The following PLCD1 variants were observed in gnomAD, a reference collection of about 807,000 sequenced individuals.
PLCD1 encodes the protein phospholipase C delta 1, also known as 1-phosphatidylinositol 4,5-bisphosphate phosphodiesterase delta-1.
In PLCD1, 71 loss-of-function variants were observed where a neutral mutation model predicts 87.4. That is an observed-to-expected ratio of 0.81 (90% CI 0.67 to 0.99). PLCD1 has a LOEUF of 0.99. PLCD1 is among the 50% of genes least tolerant of loss of function. The pLI, the probability that PLCD1 is intolerant of heterozygous loss-of-function variation, is 0.00. For synonymous variants in PLCD1, 348 were observed against 399.2 expected (o/e 0.87, Z 1.53); for missense variants, 867 against 1,001.5 (o/e 0.87, Z 1.81).
intron 14 of PLCD1, 66 bp from the exon 15 acceptor site, chr3:38,007,924 T>C: frequency 1.7e-5 from 27 of 1,601,026 alleles, no homozygotes; most frequent in Non-Finnish European, 2.3e-5. Context: ...GGAGGGGGGG[T>C]GGATGCGTCA....
Position 38,011,682 on chromosome 3 carries a change from G to A in PLCD1, c.429-9C>T, listed in dbSNP as rs1200632401. 9 of 1,614,164 alleles carry A rather than the reference G, an allele frequency of 5.6e-6. No homozygotes were observed. Among genetic ancestry groups the A allele is most frequent in the Non-Finnish European group, 7.6e-6 (9 of 1,179,988 alleles). On this transcript the variant is annotated splice_polypyrimidine_tract_variant and intron_variant, in intron 3 of 14. Coordinates refer to ENST00000334661, the MANE Select transcript of PLCD1 (RefSeq NM_006225.4). ...AGCAGGAGTGAATCCAGCTGGGCAA[G>A]AAGTAAGGAAAGAACCCAGGAACCC...
intron 1 of PLCD1, among the ~76,000 whole-genome samples, chr3:38,026,755 G>GT (rs1009934250): frequency 1.3e-5 from 2 of 152,204 alleles, no homozygotes; most frequent in Non-Finnish European, 2.9e-5. Context: ...TGGAGGACTG[G>GT]TTTTTGGGGC....
intron 1 of PLCD1, among the ~76,000 whole-genome samples, chr3:38,028,209 G>A (rs868239449): frequency 1.1e-4 from 17 of 152,330 alleles, no homozygotes; most frequent in Admixed American, 8.5e-4. Context: ...CTCCCTTCTT[G>A]CTAGTCTGGC....
Position 38,009,035 on chromosome 3 carries a change from C to T in PLCD1, c.1723+7G>A. On this transcript the variant is annotated splice_region_variant and intron_variant, in intron 11 of 14. Transcript: ENST00000334661. Reference sequence around the variant, plus strand: ...CCAGGCCTCCTCCAGCCCCAGCCAGCCCATACCGATCTGGCAGCCCCCATT... The same window carrying T: ...CCAGGCCTCCTCCAGCCCCAGCCAGTCCATACCGATCTGGCAGCCCCCATT... 1.9e-6 allele frequency: 3 copies of T among 1,602,028 alleles called. No homozygotes were observed. The highest frequency in any genetic ancestry group is 2.6e-6 in the Non-Finnish European group (3 of 1,170,304).
Position 38,020,243 on chromosome 3 carries a change from G to A in PLCD1, c.144C>T (p.Cys48=), listed in dbSNP as rs781083201. 6.8e-6 allele frequency: 11 copies of A among 1,613,928 alleles called. No individual in the cohort carries two copies. The South Asian group carries it at 7.7e-5, about 11-fold the overall frequency. ...RERFYKLQED[C]KTIWQESRKV... is the part of the protein sequence containing the mutation. The stretch of plus-strand genomic sequence containing the variant: ...TGCGGGACTCCTGCCAGATGGTCTT[G>A]CAGTCCTCCTGCAACTTGTAGAAGC... Residue 48 remains cysteine (C), a synonymous_variant, in exon 2 of 15, where the codon TGC becomes TGT. Coordinates refer to ENST00000334661, the MANE Select transcript of PLCD1 (RefSeq NM_006225.4).
rs372005528 is a variant in PLCD1, at chr3:38,011,279, C to T, written c.725G>A (p.Arg242Gln). The T allele has an allele frequency of 5.0e-6, 8 of 1,611,784 alleles. No homozygotes were observed. Among genetic ancestry groups the T allele is most frequent in the Non-Finnish European group, 4.2e-6 (5 of 1,180,028 alleles). The change falls in exon 5 of 15, where the codon CGG becomes CAG. Residue 242 changes from arginine (R) to glutamine (Q), a missense_variant. Physicochemically the swap from Arg to Gln is conservative, Grantham distance 43. Transcript: ENST00000334661. ...QLVTFLQHQQ[R>Q]EEAAGPALAL... ...CAGCGCAGGCCCTGCCGCCTCCTCC[C>T]GCTGCTGGTGCTGCAGGAACGTCAC...
Position 38,008,128 on chromosome 3 carries a change from C to T in PLCD1, c.2071G>A (p.Glu691Lys), listed in dbSNP as rs1302093361. 1 of 1,614,104 alleles carries T rather than the reference C, an allele frequency of 6.2e-7. No individual in the cohort carries two copies. The highest frequency in any genetic ancestry group is 1.1e-5 in the South Asian group (1 of 91,086). ...AGGGCAAGGTCAGGCACAACTACCT[C>T]AAACGCAAACTCCGTGTCCCACCAT... Reference protein sequence around the residue: ...NPWWDTEFAFEVVVPDLALIR... With the variant: ...NPWWDTEFAFKVVVPDLALIR... Residue 691 changes from glutamate to lysine, a missense_variant, in exon 14 of 15, where the codon GAG becomes AAG. Physicochemically the swap from Glu to Lys is moderately conservative, Grantham distance 56. Coordinates refer to ENST00000334661, the MANE Select transcript of PLCD1 (RefSeq NM_006225.4).
rs397514471 is a variant in PLCD1 at position 38,011,442 on chromosome 3, A to G, written c.562T>C (p.Cys188Arg). ...AGGGAGTCTGTCTGGGAGTGGTCAC[A>G]CTCCTGCAGAGCCAGGACAGCCGAG... ...DSYARKIFRE[C>R]DHSQTDSLED... The change falls in exon 5 of 15, where the codon TGT (cysteine) becomes CGT (arginine). Residue 188 changes from cysteine to arginine, a missense_variant. Cys to Arg is a radical substitution (Grantham distance 180, BLOSUM62 -3). Transcript: ENST00000334661. The G allele has an allele frequency of 4.1e-5, 66 of 1,613,516 alleles. 2 individuals are homozygous for G. In the South Asian group the frequency reaches 5.9e-4, roughly 14 times the overall value.
intron 5 of PLCD1, 44 bp downstream of exon 5, chr3:38,011,170 G>A (rs1398613537): frequency 6.8e-7 from 1 of 1,474,074 alleles, no homozygotes; most frequent in Non-Finnish European, 9.4e-7. Context: ...CCAGCCCAGT[G>A]CGGCCCTGCG....
In PLCD1 at chr3:38,017,074, C is replaced by T. The variant is rs1299600965; in HGVS notation, c.200-355G>A. Among the ~76,000 whole-genome samples the T allele has an allele frequency of 3.3e-5, 5 of 152,024 alleles. No homozygotes were observed. In the East Asian group the frequency reaches 5.8e-4, roughly 18 times the overall value. ...TCTCTCGGTGATGGGGGGTGCAGGGCCCCAGGGAGAGGACTGGAGCAGGGC... is the reference window on the plus strand; with the variant it reads ...TCTCTCGGTGATGGGGGGTGCAGGGTCCCAGGGAGAGGACTGGAGCAGGGC... On this transcript the variant is annotated intron_variant, in intron 2 of 14. Coordinates refer to ENST00000334661, the MANE Select transcript of PLCD1 (RefSeq NM_006225.4). This position sits in a 1 kb window ranked among gnomAD's most constrained non-coding sequence, Gnocchi z 4.7.
intron 1 of PLCD1, chr3:38,024,603 G>A (rs1236711673): frequency 1.3e-6 from 2 of 1,513,454 alleles, no homozygotes; most frequent in South Asian, 2.5e-5. Flanking sequence ...AGTTCGAGAG[G>A]AGGGGCGCAC....
chr3:38,026,460 G>A (rs1439347195), intron 1 of PLCD1, among the ~76,000 whole-genome samples: 1 of 152,166 alleles, frequency 6.6e-6, no homozygotes, highest in African/African-American at 2.4e-5. Context: ...TGGAGGTTTC[G>A]GTAAGCCGAG....
Position 38,029,634 on chromosome 3 carries a change from G to A in PLCD1, c.-95C>T, listed in dbSNP as rs912967305. On this transcript the variant is annotated 5_prime_UTR_variant, in exon 1 of 15. Transcript: ENST00000334661. ...GGGTCCGAGCGGAGTGCGGTGCAGG[G>A]ACCTGAATGGACCGCGGTGGGAGGA... The A allele has an allele frequency of 3.1e-5, 34 of 1,098,138 alleles. No individual in the cohort carries two copies. The highest frequency in any genetic ancestry group is 5.8e-4 in the Middle Eastern group (2 of 3,458). 68.0% of individuals were successfully genotyped at this position (1,098,138 alleles called of 1,614,324 possible).
chr3:38,023,125 G>A (rs1371629498), intron 1 of PLCD1, among the ~76,000 whole-genome samples: 1 of 151,978 alleles, frequency 6.6e-6, no homozygotes, highest in Non-Finnish European at 1.5e-5. Context: ...GGAAGCTGAG[G>A]GAGGTGCCAG....
chr3:38,016,410 T>C (rs887970162), intron 3 of PLCD1, 81 bp downstream of exon 3: 34 of 902,678 alleles, frequency 3.8e-5, no homozygotes, highest in Non-Finnish European at 5.6e-5. Context: ...CTAAACCAGC[T>C]TCCATACCCA....
In PLCD1 at chr3:38,010,328, C is replaced by G. The variant is rs374400413; in HGVS notation, c.992+33G>C. ...TCCAGGTCCTGTCCCGGGTCCCACC[C>G]AGACTCCCGACCCAAGGCTCCCTGA... On this transcript the variant is annotated intron_variant, in intron 6 of 14. Coordinates refer to ENST00000334661, the MANE Select transcript of PLCD1 (RefSeq NM_006225.4). 366 of 1,614,068 alleles carry G rather than the reference C, an allele frequency of 2.3e-4. 2 individuals are homozygous for G. Among genetic ancestry groups the G allele is most frequent in the Non-Finnish European group, 3.1e-5 (37 of 1,180,040 alleles).
At position 38,016,616 on chromosome 3, in the gene PLCD1, G is replaced by A. The variant is rs1459179108; in HGVS notation, c.303C>T (p.Phe101=). The change falls in exon 3 of 15, where the codon TTC becomes TTT. Residue 101 remains phenylalanine, a synonymous_variant. Transcript: ENST00000334661. ...GGTCTAGTGTATTGCGCTGGTCCTT[G>A]AAGACAATGGAGAAGCAGCGGTCCT... ...VPEDRCFSIV[F]KDQRNTLDLI... The A allele has an allele frequency of 1.2e-6, 2 of 1,613,206 alleles. No homozygotes were observed. Among genetic ancestry groups the A allele is most frequent in the African/African-American group, 1.3e-5 (1 of 75,064 alleles).
chr3:38,011,140 G>T, intron 5 of PLCD1, 74 bp downstream of exon 5: 1 of 1,190,452 alleles, frequency 8.4e-7, no homozygotes, highest in Non-Finnish European at 1.2e-6. Context: ...CTTTCTGGCT[G>T]CAGTCTCCCC....
Position 38,025,625 on chromosome 3 carries a change from C to T in PLCD1, c.34+3881G>A, listed in dbSNP as rs969865875. Among the ~76,000 whole-genome samples the T allele has an allele frequency of 1.3e-5, 2 of 152,222 alleles. No homozygotes were observed. The highest frequency in any genetic ancestry group is 6.5e-5 in the Admixed American group (1 of 15,288). On this transcript the variant is annotated intron_variant, in intron 1 of 14. Transcript: ENST00000334661. This position sits in a 1 kb window ranked among gnomAD's most constrained non-coding sequence, Gnocchi z 4.0. ...ACGAAATTCTTGAAAAAATTCTGAT[C>T]TTAAAATAAGCCCATTAACCCAGGG...
Sources: allele counts gnomAD v4.1 joint callset (sites outside exome capture counted in the v4.1 genomes callset), GRCh38; gene constraint gnomAD v4.1.1; non-coding constraint Gnocchi (gnomAD v3.1); transcripts MANE v1.5; gene names NCBI Gene and HGNC (gene_info 2026-07-23, HGNC 2026-07-21).